Variants in CLMN observed in about 807,000 individuals in gnomAD.
CLMN encodes calmin.
A neutral mutation model predicts 92.7 loss-of-function variants in CLMN; 57 were observed. That is an observed-to-expected ratio of 0.61 (90% CI 0.50 to 0.77). CLMN has a LOEUF of 0.77. Ranked by LOEUF, CLMN falls within the 30% of genes least tolerant of loss-of-function variation. The pLI, the probability that CLMN is intolerant of heterozygous loss-of-function variation, is 0.00. For missense variants in CLMN, 1,158 were observed against 1,237.5 expected (o/e 0.94, Z 0.96); for synonymous variants, 466 against 470.6 (o/e 0.99, Z 0.13).
Position 95,188,242 on chromosome 14 carries a change from G to A in CLMN, c.*3322C>T, listed in dbSNP as rs575838674. The A allele has an allele frequency of 4.6e-5, 7 of 152,284 alleles. No individual in the cohort carries two copies. The highest frequency in any genetic ancestry group is 3.9e-4 in the Admixed American group (6 of 15,296). The allele number at this position is 152,284 out of a possible 1,614,324, so 9.4% of individuals were successfully genotyped here. A position where few individuals can be genotyped will look rare whatever the true frequency, so the allele number is the denominator to read the frequency against. ...TTTGAGAAAAATTCACAACGTGAAAGATAGAGACTGAGACCACCAAAATAA... is the reference window on the plus strand; with the variant it reads ...TTTGAGAAAAATTCACAACGTGAAAAATAGAGACTGAGACCACCAAAATAA... On this transcript the variant is annotated 3_prime_UTR_variant, in exon 13 of 13. Transcript: ENST00000298912.
chr14:95,305,156 A>T (rs1481637252), intron 1 of CLMN, among the ~76,000 whole-genome samples: 1 of 152,240 alleles, frequency 6.6e-6, no homozygotes, highest in Non-Finnish European at 1.5e-5. Flanking sequence ...CACCTCCAGT[A>T]ACTCATGCAA....
intron 1 of CLMN, among the ~76,000 whole-genome samples, chr14:95,270,856 T>C (rs924387288): frequency 6.6e-6 from 1 of 152,236 alleles, no homozygotes; most frequent in Non-Finnish European, 1.5e-5. Context: ...CTGGATTCTA[T>C]GGTAATGGTA....
chr14:95,238,192 C>T (rs922295254), intron 1 of CLMN, among the ~76,000 whole-genome samples: 7 of 152,250 alleles, frequency 4.6e-5, no homozygotes, highest in Non-Finnish European at 7.3e-5. Context: ...GGCCCAGCCC[C>T]GCTTGGTGGT....
intron 2 of CLMN, among the ~76,000 whole-genome samples, chr14:95,227,303 C>G (rs961804428): frequency 6.6e-6 from 1 of 152,158 alleles, no homozygotes; most frequent in Non-Finnish European, 1.5e-5. Flanking sequence ...GGCAATTCCA[C>G]CCGCAGGTGC....
intron 9 of CLMN, among the ~76,000 whole-genome samples, 185 bp downstream of exon 9, chr14:95,202,653 T>C (rs1383564739): frequency 2.0e-5 from 3 of 152,336 alleles, no homozygotes; most frequent in African/African-American, 7.2e-5. Flanking sequence ...AGGTGCTCAC[T>C]CTCAGGTGCC....
intron 1 of CLMN, among the ~76,000 whole-genome samples, chr14:95,235,024 G>A (rs1898005622): frequency 6.6e-6 from 1 of 152,052 alleles, no homozygotes; most frequent in Non-Finnish European, 1.5e-5. Flanking sequence ...TAAGCTCATT[G>A]TAAAAAATTA....
At chr14:95,247,468 A>C (rs946275113) in intron 1 of CLMN, among the ~76,000 whole-genome samples, 3 of 152,188 alleles carry the variant, frequency 2.0e-5, no homozygotes, top group African/African-American at 4.8e-5. Context: ...CTGAGTCGAG[A>C]GGCTGCTGGT....
chr14:95,196,829 AT>A, intron 9 of CLMN, 135 bp from the exon 10 acceptor site: 1 of 766,306 alleles, frequency 1.3e-6, no homozygotes, highest in East Asian at 2.7e-5. Context: ...GATCCTCTTC[AT>A]GAATCCCCTG....
chr14:95,198,170 C>T (rs1896778022), intron 9 of CLMN, among the ~76,000 whole-genome samples: 1 of 150,346 alleles, frequency 6.7e-6, no homozygotes, highest in South Asian at 2.1e-4. Context: ...CTGCCTCAGC[C>T]TCCGGAGTAG....
intron 1 of CLMN, among the ~76,000 whole-genome samples, chr14:95,277,691 G>T (rs533765998): frequency 6.6e-6 from 1 of 152,108 alleles, no homozygotes; most frequent in Non-Finnish European, 1.5e-5. Context: ...GCAGTGGCAC[G>T]ATCTTGGCTC....
chr14:95,258,581 A>C (rs1899111717), intron 1 of CLMN, among the ~76,000 whole-genome samples: 1 of 126,642 alleles, frequency 7.9e-6, no homozygotes, highest in Admixed American at 8.2e-5. Flanking sequence ...GGGTATGTGT[A>C]TGTGGTGTGT....
At chr14:95,263,042 T>G (rs891635250) in intron 1 of CLMN, among the ~76,000 whole-genome samples, 1 of 152,222 alleles carries the variant, frequency 6.6e-6, no homozygotes, top group Non-Finnish European at 1.5e-5. Flanking sequence ...CCAAACCAAC[T>G]GCCCAGCGCA....
chr14:95,200,547 C>T (rs1322703878), intron 9 of CLMN, among the ~76,000 whole-genome samples: 1 of 152,172 alleles, frequency 6.6e-6, no homozygotes, highest in Non-Finnish European at 1.5e-5. Context: ...TCGGACTCAC[C>T]TCCTGGATCC....
intron 12 of CLMN, chr14:95,193,423 G>A: frequency 6.6e-7 from 1 of 1,518,114 alleles, no homozygotes; most frequent in African/African-American, 1.4e-5. Flanking sequence ...TACCTGCAGT[G>A]GCAACAGAGA....
intron 9 of CLMN, among the ~76,000 whole-genome samples, chr14:95,202,562 C>T (rs1232399658): frequency 6.6e-6 from 1 of 152,188 alleles, no homozygotes. Context: ...AAGGTGACCT[C>T]ACTTGATCCT....
chr14:95,215,363 A>G (rs984462526), intron 5 of CLMN, among the ~76,000 whole-genome samples: 8 of 152,214 alleles, frequency 5.3e-5, no homozygotes, highest in Admixed American at 2.6e-4. Context: ...TTCTTGTGAC[A>G]CTTTAGAACA....
chr14:95,245,784 G>T (rs969624297), intron 1 of CLMN, among the ~76,000 whole-genome samples: 3 of 135,546 alleles, frequency 2.2e-5, no homozygotes, highest in Non-Finnish European at 4.7e-5. Context: ...AGGTGGGTGG[G>T]TGGTTGGATT....
chr14:95,255,990 T>C (rs1898984317), intron 1 of CLMN, among the ~76,000 whole-genome samples: 1 of 152,252 alleles, frequency 6.6e-6, no homozygotes, highest in Non-Finnish European at 1.5e-5. Flanking sequence ...ATCCGTATTC[T>C]TTTAACCCTA....
Position 95,204,366 on chromosome 14 carries a change from A to C in CLMN, c.983T>G (p.Leu328Arg). Residue 328 changes from leucine (L) to arginine (R), a missense_variant, in exon 9 of 13, where the codon CTG becomes CGG. Transcript: ENST00000298912. ...PSEQESKVFV[L>R]TENGERTYTV... ...GTAGGTACGCTCCCCATTTTCAGTC[A>C]GAACGAAGACTTTGCTCTCCTGTTC... is the stretch of plus-strand genomic sequence containing the variant. 2 of 1,614,192 alleles carry C rather than the reference A, an allele frequency of 1.2e-6. No individual in the cohort carries two copies. The highest frequency in any genetic ancestry group is 1.7e-6 in the Non-Finnish European group (2 of 1,180,026).
Sources: gnomAD v4.1 joint callset for allele counts (sites outside exome capture counted in the v4.1 genomes callset) on GRCh38, gnomAD v4.1.1 for gene constraint, MANE v1.5 for transcripts, NCBI Gene and HGNC (gene_info 2026-07-23, HGNC 2026-07-21) for gene names.